The following GFM2 variants were observed in gnomAD, a reference collection of about 807,000 sequenced individuals.
GFM2 encodes the protein ribosome-releasing factor 2, mitochondrial.
Under a neutral mutation model 95.4 loss-of-function variants are expected in GFM2, and 72 were observed. The observed-to-expected ratio is 0.76, with a 90% CI of 0.62 to 0.92. The LOEUF (loss-of-function observed/expected upper bound fraction) is 0.92. Among genes scored for constraint, GFM2 ranks in the 40% least tolerant of loss-of-function variants. GFM2 has a pLI of 0.00. For synonymous variants in GFM2, 276 were observed against 317.5 expected, an observed-to-expected ratio of 0.87 and a Z score of 1.39; for missense variants, 825 against 924.1, an observed-to-expected ratio of 0.89 and a Z score of 1.39.
chr5:74,733,291 G>A (rs1366029453), intron 15 of GFM2, 193 bp from the exon 16 acceptor site: 5 of 433,140 alleles, frequency 1.2e-5, no homozygotes, highest in Non-Finnish European at 1.7e-5. Flanking sequence ...AGGAGTTTGC[G>A]ACCAGCCTGG....
intron 10 of GFM2, among the ~76,000 whole-genome samples, chr5:74,742,839 T>C (rs1167162138): frequency 6.6e-6 from 1 of 152,020 alleles, no homozygotes; most frequent in East Asian, 1.9e-4. Flanking sequence ...GCTAATTTTT[T>C]TGTATTTTTA....
intron 7 of GFM2, among the ~76,000 whole-genome samples, chr5:74,748,658 A>G (rs1743513579): frequency 6.6e-6 from 1 of 152,068 alleles, no homozygotes; most frequent in Admixed American, 6.6e-5. Context: ...TGAGGTCAGA[A>G]GTTCAAGACC....
chr5:74,732,050 G>A lies in GFM2; in HGVS notation c.1587+972C>T, dbSNP rs544508614. Among the ~76,000 whole-genome samples the A allele has an allele frequency of 3.3e-5, 5 of 150,808 alleles. No individual in the cohort carries two copies. The East Asian group carries it at 9.8e-4, about 29-fold the overall frequency. On this transcript the variant is annotated intron_variant, in intron 16 of 20. Coordinates refer to ENST00000296805, the MANE Select transcript of GFM2 (RefSeq NM_032380.5). The stretch of plus-strand genomic sequence containing the variant: ...GCTCACTGTGGCCTTGACCTCCCAG[G>A]TTTAAGCAACCTTCCCACCTCAGCA...
rs1162838536 is a variant in GFM2, at chr5:74,721,687, T to C, written c.2308A>G (p.Thr770Ala). 4 of 1,613,572 alleles carry C rather than the reference T, an allele frequency of 2.5e-6. No individual in the cohort carries two copies. The Admixed American group carries it at 6.7e-5, about 27-fold the overall frequency. The change falls in exon 21 of 21, where the codon ACA becomes GCA. Residue 770 changes from threonine (T) to alanine (A), a missense_variant. Physicochemically the swap from Thr to Ala is moderately conservative, Grantham distance 58 (BLOSUM62 0). Coordinates refer to ENST00000296805, the MANE Select transcript of GFM2 (RefSeq NM_032380.5). The part of the protein sequence containing the change: ...YQAMNPQDQN[T>A]LLNRRSGLT Reference sequence around the variant, plus strand: ...AAACCACTTCTCCGGTTGAGCAGTGTATTTTGATCTTGAGGATTCATGGCT... The same window carrying C: ...AAACCACTTCTCCGGTTGAGCAGTGCATTTTGATCTTGAGGATTCATGGCT...
At chr5:74,754,894 T>A (rs1394957002) in intron 5 of GFM2, among the ~76,000 whole-genome samples, 1 of 152,054 alleles carries the variant, frequency 6.6e-6, no homozygotes, top group Non-Finnish European at 1.5e-5. Context: ...GGCAGGCGGA[T>A]TACCTGAGGT....
intron 2 of GFM2, 70 bp downstream of exon 2, chr5:74,763,610 T>C (rs1744394044): frequency 1.2e-6 from 1 of 838,308 alleles, no homozygotes; most frequent in Non-Finnish European, 2.0e-6. Context: ...TGATGAGATA[T>C]ACTGGGCATT....
chr5:74,723,170 T>C (rs1749992903), intron 19 of GFM2, among the ~76,000 whole-genome samples: 6 of 152,178 alleles, frequency 3.9e-5, no homozygotes, highest in Admixed American at 3.9e-4. Context: ...CTCACAGAAC[T>C]GTTCTTAGTC....
intron 7 of GFM2, 59 bp downstream of exon 7, chr5:74,750,520 T>C: frequency 8.4e-7 from 1 of 1,196,094 alleles, no homozygotes; most frequent in Non-Finnish European, 1.2e-6. Flanking sequence ...ATTTGACATA[T>C]TCTACTTTTT....
intron 5 of GFM2, among the ~76,000 whole-genome samples, chr5:74,758,219 T>C (rs926370908): frequency 7.9e-5 from 12 of 152,234 alleles, no homozygotes; most frequent in Non-Finnish European, 1.8e-4. Flanking sequence ...AACAGAGGTA[T>C]GTCAACTACA....
chr5:74,732,128 A>ATTTTTTTTTTT (rs533165001), intron 16 of GFM2, among the ~76,000 whole-genome samples: 4 of 85,438 alleles, frequency 4.7e-5, no homozygotes, highest in Admixed American at 1.3e-4. Flanking sequence ...CTAATTTTTA[A>ATTTTTTTTTTT]TTTTTTTTTT....
At chr5:74,753,013 C>CCACCAAAAATCACACTAGCT (rs1218913441) in intron 5 of GFM2, among the ~76,000 whole-genome samples, 4 of 152,050 alleles carry the variant, frequency 2.6e-5, no homozygotes, top group African/African-American at 7.2e-5. Flanking sequence ...TTAATCCCCC[C>CCACCAAAAATCACACTAGCT]CACCAAAAAT....
At position 74,725,521 on chromosome 5, in the gene GFM2, C is replaced by T. The variant is rs1579966869; in HGVS notation, c.2028+119G>A. 9 of 596,156 alleles carry T rather than the reference C, an allele frequency of 1.5e-5. No homozygotes were observed. In the East Asian group the frequency reaches 2.5e-4, roughly 16 times the overall value. The allele number at this position is 596,156 out of a possible 1,614,324, so 36.9% of individuals were successfully genotyped here. A position where few individuals can be genotyped will look rare whatever the true frequency, so the allele number is the denominator to read the frequency against. ...CCATGATAAGAACTCTTGTTGACCA[C>T]AAGGCTGAGGAGGCAAAGACACAAG... On this transcript the variant is annotated intron_variant, in intron 19 of 20. Transcript: ENST00000296805.
At chr5:74,764,541 T>A (rs1395186948) in intron 1 of GFM2, among the ~76,000 whole-genome samples, 2 of 152,112 alleles carry the variant, frequency 1.3e-5, no homozygotes, top group East Asian at 3.9e-4. Context: ...TTATCATTAG[T>A]GATTTTATGT....
At chr5:74,762,531 C>T (rs1291282653) in intron 2 of GFM2, among the ~76,000 whole-genome samples, 8 of 152,184 alleles carry the variant, frequency 5.3e-5, no homozygotes, top group African/African-American at 1.9e-4. Flanking sequence ...ATCTTAGCAA[C>T]CTCAGCATAT....
intron 5 of GFM2, among the ~76,000 whole-genome samples, chr5:74,758,151 G>C (rs1220905072): frequency 6.6e-6 from 1 of 152,134 alleles, no homozygotes; most frequent in East Asian, 1.9e-4. Flanking sequence ...AATCCTCTTT[G>C]ATGTGAGAAT....
At chr5:74,762,928 C>T (rs1316063515) in intron 2 of GFM2, among the ~76,000 whole-genome samples, 2 of 152,194 alleles carry the variant, frequency 1.3e-5, no homozygotes, top group Non-Finnish European at 2.9e-5. Context: ...CTCTGAGCAA[C>T]TGAAACAGCT....
chr5:74,732,488 CAGAATGT>C lies in GFM2; in HGVS notation c.1587+527_1587+533del, dbSNP rs555557858. ...ACCCTGTCCTCCTAAAAAGAGGATG[CAGAATGT>C]AATTTAATCATTTCTTGATGAATCA... On this transcript the variant is annotated intron_variant, in intron 16 of 20. Transcript: ENST00000296805. Among the ~76,000 whole-genome samples, 1,055 of 152,210 alleles carry C rather than the reference CAGAATGT, an allele frequency of 6.9e-3. 6 individuals are homozygous for C. Among genetic ancestry groups the C allele is most frequent in the Non-Finnish European group, 0.011 (769 of 68,004 alleles).
chr5:74,741,819 T>C (rs1321653075), intron 10 of GFM2: 4 of 361,842 alleles, frequency 1.1e-5, no homozygotes, highest in Non-Finnish European at 2.0e-5. Flanking sequence ...TATTAGGAGT[T>C]TCCTAAATTC....
At chr5:74,749,179 A>G (rs1292798453) in intron 7 of GFM2, among the ~76,000 whole-genome samples, 1 of 151,522 alleles carries the variant, frequency 6.6e-6, no homozygotes, top group African/African-American at 2.4e-5. Flanking sequence ...ACACCCAGCT[A>G]ATTTTTTTTG....
Sources: allele counts gnomAD v4.1 joint callset (sites outside exome capture counted in the v4.1 genomes callset), GRCh38; gene constraint gnomAD v4.1.1; transcripts MANE v1.5; gene names NCBI Gene and HGNC (gene_info 2026-07-23, HGNC 2026-07-21).